The following ACOX3 variants were observed in gnomAD, a reference collection of about 807,000 sequenced individuals.
ACOX3 encodes the protein acyl-CoA oxidase 3, pristanoyl.
ACOX3 carries 73 observed loss-of-function variants against 81.5 expected under a neutral mutation model. That is an observed-to-expected ratio of 0.90 (90% CI 0.74 to 1.09). The LOEUF (loss-of-function observed/expected upper bound fraction) is 1.09. Ranked by LOEUF, ACOX3 falls within the 50% of genes least tolerant of loss-of-function variation. The pLI, the probability that ACOX3 is intolerant of heterozygous loss-of-function variation, is 0.00. For missense variants in ACOX3, 947 were observed against 928.0 expected (o/e 1.02, Z -0.27); for synonymous variants, 387 against 375.1 (o/e 1.03, Z -0.37).
rs1016158724 is a variant in ACOX3 at position 8,382,373 on chromosome 4, C to T, written c.1538-766G>A. ...GTATGGACCAGGCATGGTCCTGAGA[C>T]CCCACCAGGCTGTACTGCTACTACC... On this transcript the variant is annotated intron_variant, in intron 13 of 17. Coordinates refer to ENST00000356406, the MANE Select transcript of ACOX3 (RefSeq NM_003501.3). The surrounding 1 kb of genome is among the most constrained non-coding windows in gnomAD (Gnocchi z 4.1). Among the ~76,000 whole-genome samples the T allele has an allele frequency of 2.0e-5, 3 of 152,216 alleles. No individual in the cohort carries two copies. The highest frequency in any genetic ancestry group is 1.3e-4 in the Admixed American group (2 of 15,288).
the ACOX3 span, chr4:8,357,726 G>C: frequency 8.7e-6 from 2 of 230,250 alleles, no homozygotes; most frequent in African/African-American, 2.3e-5. Flanking sequence ...TTTAGGAGCA[G>C]GGACCGTGTG....
chr4:8,380,778 G>A (rs1717542103), intron 14 of ACOX3, among the ~76,000 whole-genome samples: 1 of 152,194 alleles, frequency 6.6e-6, no homozygotes, highest in Non-Finnish European at 1.5e-5. Flanking sequence ...CAACACTCAT[G>A]GCCTGAGTCT....
rs1244853014 is a variant in ACOX3 at position 8,382,970 on chromosome 4, G to C, written c.1538-1363C>G. 7.7e-6 allele frequency among the ~76,000 whole-genome samples: 1 copy of C among 130,366 alleles called. No homozygotes were observed. The highest frequency in any genetic ancestry group is 1.6e-5 in the Non-Finnish European group (1 of 64,370). 85.5% of individuals were successfully genotyped at this position (130,366 alleles called of 152,430 possible). A position where few individuals can be genotyped will look rare whatever the true frequency, so the allele number is the denominator to read the frequency against. ...CGCGCCACTGCACTCCAGCCTGGGC[G>C]ACAGAGCGAGACTCCGTCTCAAAAA... On this transcript the variant is annotated intron_variant, in intron 13 of 17. Coordinates refer to ENST00000356406, the MANE Select transcript of ACOX3 (RefSeq NM_003501.3). This position sits in a 1 kb window ranked among gnomAD's most constrained non-coding sequence, Gnocchi z 4.1.
At chr4:8,403,907 C>T (rs569956650) in intron 7 of ACOX3, among the ~76,000 whole-genome samples, 27 of 152,326 alleles carry the variant, frequency 1.8e-4, no homozygotes, top group South Asian at 1.2e-3. Flanking sequence ...AATTCACCAC[C>T]GCCATATGCC....
downstream of ACOX3, among the ~76,000 whole-genome samples, chr4:8,361,508 G>T (rs1322251526): frequency 1.3e-5 from 2 of 150,346 alleles, no homozygotes; most frequent in African/African-American, 4.9e-5. Flanking sequence ...GTTGTGGAAG[G>T]CTTGTTATAA....
rs565513340 is a variant in ACOX3, at chr4:8,368,016, G to A, written c.1984-936C>T. Among the ~76,000 whole-genome samples the A allele has an allele frequency of 1.2e-4, 18 of 151,276 alleles. No homozygotes were observed. Among genetic ancestry groups the A allele is most frequent in the African/African-American group, 3.6e-4 (15 of 41,280 alleles). ...CAAAAAAAAAAAAAAAGAACTGATC[G>A]TGGCAGTGGACACGCTGTTTCTTAG... On this transcript the variant is annotated intron_variant, in intron 17 of 17. Transcript: ENST00000356406. The surrounding 1 kb of genome is among the most constrained non-coding windows in gnomAD (Gnocchi z 5.9).
At position 8,415,871 on chromosome 4, in the gene ACOX3, G is replaced by A. The variant is rs775410201; in HGVS notation, c.273C>T (p.Leu91=). 5 of 1,614,216 alleles carry A rather than the reference G, an allele frequency of 3.1e-6. No individual in the cohort carries two copies. In the South Asian group the frequency reaches 4.4e-5, roughly 14 times the overall value. The change falls in exon 3 of 18, where the codon CTC becomes CTT. Residue 91 remains leucine (L), a synonymous_variant. Transcript: ENST00000356406. ...GGCTCTTGAACATGTCTTCGACACT[G>A]AGGAAGTCATACTCGAAGATCCGCT... ...RCKRIFEYDF[L]SVEDMFKSPL...
At position 8,399,989 on chromosome 4, in the gene ACOX3, G is replaced by C. The variant is rs927071946; in HGVS notation, c.777-337C>G. Among the ~76,000 whole-genome samples the C allele has an allele frequency of 6.6e-6, 1 of 152,142 alleles. No individual in the cohort carries two copies. The highest frequency in any genetic ancestry group is 1.5e-5 in the Non-Finnish European group (1 of 68,042). On this transcript the variant is annotated intron_variant, in intron 7 of 17. Transcript: ENST00000356406. This position sits in a 1 kb window ranked among gnomAD's most constrained non-coding sequence, Gnocchi z 4.9. ...AGGCTGGGTGTGGTGGCTTACGCCTGTAATCCCAGCACTTTGGGAGGCCGA... is the reference window on the plus strand; with the variant it reads ...AGGCTGGGTGTGGTGGCTTACGCCTCTAATCCCAGCACTTTGGGAGGCCGA...
In ACOX3 at chr4:8,389,313, G is replaced by A. The variant is rs777424017; in HGVS notation, c.1424-27C>T. ...TAGGACACACATTCCAGTGACTTTG[G>A]TGGAAGACAGGAACCCAAACCATTG... On this transcript the variant is annotated intron_variant, in intron 12 of 17. Coordinates refer to ENST00000356406, the MANE Select transcript of ACOX3 (RefSeq NM_003501.3). This position sits in a 1 kb window ranked among gnomAD's most constrained non-coding sequence, Gnocchi z 5.3. 1.5e-5 allele frequency: 24 copies of A among 1,594,208 alleles called. No homozygotes were observed. The South Asian group carries it at 2.1e-4, about 14-fold the overall frequency.
rs1717727663 is a variant in ACOX3 at position 8,382,062 on chromosome 4, G to A, written c.1538-455C>T. On this transcript the variant is annotated intron_variant, in intron 13 of 17. Coordinates refer to ENST00000356406, the MANE Select transcript of ACOX3 (RefSeq NM_003501.3). This position sits in a 1 kb window ranked among gnomAD's most constrained non-coding sequence, Gnocchi z 4.1. ...GCGAGAGGAAGGGGTGCTTCCGTTC[G>A]CCTCCCCCTGCCTGGCCCTTGGACC... 6.6e-6 allele frequency among the ~76,000 whole-genome samples: 1 copy of A among 152,212 alleles called. No homozygotes were observed. Among genetic ancestry groups the A allele is most frequent in the African/African-American group, 2.4e-5 (1 of 41,450 alleles).
chr4:8,359,950 T>C, the ACOX3 span, among the ~76,000 whole-genome samples: 1 of 152,232 alleles, frequency 6.6e-6, no homozygotes, highest in African/African-American at 2.4e-5. This position sits in a 1 kb window ranked among gnomAD's most constrained non-coding sequence, Gnocchi z 6.0. Context: ...TGCTCTGTCA[T>C]AAAGAGGAGT....
Position 8,430,810 on chromosome 4 carries a change from A to G in ACOX3, c.-15+9838T>C, listed in dbSNP as rs546676149. On this transcript the variant is annotated intron_variant, in intron 1 of 17. Coordinates refer to ENST00000356406, the MANE Select transcript of ACOX3 (RefSeq NM_003501.3). The surrounding 1 kb of genome is among the most constrained non-coding windows in gnomAD (Gnocchi z 5.2). ...GGTAGAGGTTGCAGTGAGCCAAGGTAGCACCATTGCACTCCAGCCTGGGTG... is the reference window on the plus strand; with the variant it reads ...GGTAGAGGTTGCAGTGAGCCAAGGTGGCACCATTGCACTCCAGCCTGGGTG... Among the ~76,000 whole-genome samples the G allele has an allele frequency of 1.4e-4, 22 of 152,316 alleles. 1 individual carries two copies. Among genetic ancestry groups the G allele is most frequent in the African/African-American group, 5.1e-4 (21 of 41,580 alleles).
At chr4:8,429,573 C>A (rs184692650) in intron 1 of ACOX3, among the ~76,000 whole-genome samples, 2 of 152,102 alleles carry the variant, frequency 1.3e-5, no homozygotes, top group Admixed American at 6.5e-5. Context: ...TCAGCTTGCA[C>A]AAGTTAAGTC....
chr4:8,367,702 G>C (rs1715629925), intron 17 of ACOX3, among the ~76,000 whole-genome samples: 1 of 146,368 alleles, frequency 6.8e-6, no homozygotes, highest in Non-Finnish European at 1.5e-5. Flanking sequence ...GGGTGAGGTG[G>C]CTCGTTCCTG....
At chr4:8,402,745 C>A (rs1466822445) in intron 7 of ACOX3, among the ~76,000 whole-genome samples, 3 of 152,186 alleles carry the variant, frequency 2.0e-5, no homozygotes, top group Non-Finnish European at 4.4e-5. Context: ...GTGTGCACAG[C>A]ACAGGAGTTG....
intron 16 of ACOX3, among the ~76,000 whole-genome samples, chr4:8,372,555 C>G (rs756107607): frequency 6.6e-6 from 1 of 152,208 alleles, no homozygotes; most frequent in Non-Finnish European, 1.5e-5. Flanking sequence ...AAGGAAAACC[C>G]CTCCCTGTGG....
At chr4:8,434,447 T>C (rs1724113752) in intron 1 of ACOX3, among the ~76,000 whole-genome samples, 2 of 152,258 alleles carry the variant, frequency 1.3e-5, no homozygotes, top group Non-Finnish European at 2.9e-5. Flanking sequence ...CTTAGGCAGC[T>C]TATGCCTGCC....
intron 1 of ACOX3, among the ~76,000 whole-genome samples, chr4:8,422,976 C>T (rs1723110529): frequency 6.6e-6 from 1 of 152,226 alleles, no homozygotes; most frequent in Admixed American, 6.5e-5. Flanking sequence ...AAGCCACTAA[C>T]CAGATAAGCC....
intron 7 of ACOX3, among the ~76,000 whole-genome samples, chr4:8,401,552 T>G (rs1388127750): frequency 6.6e-6 from 1 of 152,252 alleles, no homozygotes; most frequent in African/African-American, 2.4e-5. Context: ...GCAGCAACCA[T>G]ATTGGCTCTT....
Sources: allele counts gnomAD v4.1 joint callset (sites outside exome capture counted in the v4.1 genomes callset), GRCh38; gene constraint gnomAD v4.1.1; non-coding constraint Gnocchi (gnomAD v3.1); transcripts MANE v1.5; gene names NCBI Gene and HGNC (gene_info 2026-07-23, HGNC 2026-07-21).